Variants in PDE7A observed in about 807,000 individuals in gnomAD.
PDE7A encodes phosphodiesterase 7A.
PDE7A carries 39 observed loss-of-function variants against 64.3 expected under a neutral mutation model. The observed-to-expected ratio is 0.61, with a 90% CI of 0.47 to 0.79. The LOEUF is 0.79. Ranked by LOEUF, PDE7A falls within the 30% of genes least tolerant of loss-of-function variation. The pLI, the probability that PDE7A is intolerant of heterozygous loss-of-function variation, is 0.00. For synonymous variants in PDE7A, 203 were observed against 206.8 expected (o/e 0.98, Z 0.16); for missense variants, 470 against 582.8 (o/e 0.81, Z 1.99).
At chr8:65,830,068 C>A (rs1347935073) in intron 1 of PDE7A, among the ~76,000 whole-genome samples, 1 of 152,114 alleles carries the variant, frequency 6.6e-6, no homozygotes, top group African/African-American at 2.4e-5. Context: ...TTTCCCTTTA[C>A]CTCATTCCCC....
intron 1 of PDE7A, among the ~76,000 whole-genome samples, chr8:65,787,779 CA>C (rs1306414558): frequency 7.2e-4 from 101 of 141,162 alleles, no homozygotes; most frequent in Middle Eastern, 3.5e-3. Flanking sequence ...CTCATCTCTA[CA>C]GGGGGGGGAA....
intron 1 of PDE7A, among the ~76,000 whole-genome samples, chr8:65,794,647 G>A (rs904897834): frequency 4.6e-5 from 7 of 152,068 alleles, no homozygotes; most frequent in African/African-American, 1.7e-4. Flanking sequence ...GTATACTTGA[G>A]GCACTTTGAA....
At chr8:65,788,811 A>AGCTATTTAAT (rs1809627009) in intron 1 of PDE7A, 1 of 996,544 alleles carries the variant, frequency 1.0e-6, no homozygotes, top group Admixed American at 1.9e-5. Flanking sequence ...GAGAAAATCG[A>AGCTATTTAAT]GCTATTTAAT....
At position 65,719,002 on chromosome 8, in the gene PDE7A, G is replaced by A; in HGVS notation, c.*288C>T. On this transcript the variant is annotated 3_prime_UTR_variant, in exon 13 of 13. Transcript: ENST00000401827. ...GATTAGATGCTTTGAAAAAGTCGTG[G>A]CACATATCAAAACTTCCTTTGTTAC... 2.3e-6 allele frequency: 1 copy of A among 436,078 alleles called. No homozygotes were observed. The highest frequency in any genetic ancestry group is 4.2e-6 in the Non-Finnish European group (1 of 238,426). 27.0% of individuals were successfully genotyped at this position (436,078 alleles called of 1,614,324 possible).
At chr8:65,782,124 G>T (rs1424135356) in intron 2 of PDE7A, among the ~76,000 whole-genome samples, 4 of 152,142 alleles carry the variant, frequency 2.6e-5, no homozygotes, top group South Asian at 2.1e-4. Context: ...AGCTGAGGAG[G>T]AGTCGTGGGA....
At chr8:65,829,038 CATT>C (rs1413559639) in intron 1 of PDE7A, among the ~76,000 whole-genome samples, 1 of 151,982 alleles carries the variant, frequency 6.6e-6, no homozygotes, top group African/African-American at 2.4e-5. Flanking sequence ...AGAATAACTT[CATT>C]GTTTTTCTTA....
At chr8:65,839,884 T>C (rs1280453603) in intron 1 of PDE7A, among the ~76,000 whole-genome samples, 1 of 152,194 alleles carries the variant, frequency 6.6e-6, no homozygotes, top group African/African-American at 2.4e-5. Flanking sequence ...AAGAACTTTA[T>C]TCATGTTTTA....
At position 65,815,462 on chromosome 8, in the gene PDE7A, C is replaced by G. The variant is rs1299993886; in HGVS notation, c.138+25909G>C. On this transcript the variant is annotated intron_variant, in intron 1 of 12. Coordinates refer to ENST00000401827, the MANE Select transcript of PDE7A (RefSeq NM_001242318.3). ...TGAAACAAAATTTGAGATTTAAGAA[C>G]TAGGCAAAAGATAAGCAAAACTAAC... Among the ~76,000 whole-genome samples the G allele has an allele frequency of 2.6e-5, 4 of 152,124 alleles. No individual in the cohort carries two copies. In the East Asian group the frequency reaches 7.7e-4, roughly 29 times the overall value.
At chr8:65,773,314 T>C (rs1387185665) in intron 3 of PDE7A, among the ~76,000 whole-genome samples, 1 of 152,222 alleles carries the variant, frequency 6.6e-6, no homozygotes, top group East Asian at 1.9e-4. Flanking sequence ...CATGGTGGCT[T>C]AAAGAGACAT....
intron 1 of PDE7A, among the ~76,000 whole-genome samples, chr8:65,817,491 C>T (rs1461335782): frequency 2.0e-5 from 3 of 152,142 alleles, no homozygotes. Flanking sequence ...ATTTTCCTGC[C>T]CATGATTCAA....
At chr8:65,747,568 C>CTA (rs1227458634) in intron 4 of PDE7A, 84 bp downstream of exon 4, 2 of 803,970 alleles carry the variant, frequency 2.5e-6, no homozygotes, top group African/African-American at 3.6e-5. Context: ...GAAAAAGACT[C>CTA]TATAAATCAT....
At chr8:65,820,910 C>CAATA (rs1810526632) in intron 1 of PDE7A, among the ~76,000 whole-genome samples, 1 of 152,130 alleles carries the variant, frequency 6.6e-6, no homozygotes, top group Non-Finnish European at 1.5e-5. Flanking sequence ...ATTTAAACAA[C>CAATA]TGAGGATATA....
intron 1 of PDE7A, 129 bp from the exon 2 acceptor site, chr8:65,782,972 A>T (rs1809458064): frequency 1.6e-6 from 1 of 608,652 alleles, no homozygotes; most frequent in Non-Finnish European, 2.9e-6. Flanking sequence ...CACAAAATGA[A>T]ATTAGCTATG....
At chr8:65,749,848 A>C (rs372598489) in intron 3 of PDE7A, among the ~76,000 whole-genome samples, 86 of 152,384 alleles carry the variant, frequency 5.6e-4, no homozygotes, top group African/African-American at 1.8e-3. Flanking sequence ...TTTACTGTCC[A>C]TTACAAAATT....
At chr8:65,750,900 T>C (rs1455983646) in intron 3 of PDE7A, among the ~76,000 whole-genome samples, 1 of 152,196 alleles carries the variant, frequency 6.6e-6, no homozygotes, top group Non-Finnish European at 1.5e-5. Context: ...AAATGAGTAT[T>C]AGATATTGAC....
At chr8:65,834,682 C>T (rs1446010866) in intron 1 of PDE7A, among the ~76,000 whole-genome samples, 1 of 152,170 alleles carries the variant, frequency 6.6e-6, no homozygotes, top group Non-Finnish European at 1.5e-5. Flanking sequence ...CCTGACTTGC[C>T]TTGGTCTTCT....
intron 8 of PDE7A, 71 bp from the exon 9 acceptor site, chr8:65,727,037 T>C (rs1286165895): frequency 1.0e-6 from 1 of 990,186 alleles, no homozygotes; most frequent in African/African-American, 1.6e-5. Context: ...CTAACAATAC[T>C]GTTAGCAATA....
At chr8:65,811,919 A>T (rs974326701) in intron 1 of PDE7A, among the ~76,000 whole-genome samples, 2 of 152,212 alleles carry the variant, frequency 1.3e-5, no homozygotes, top group African/African-American at 4.8e-5. Context: ...AAGAATAGAA[A>T]GTCCAGGCCA....
At chr8:65,740,932 G>A (rs1222896891) in intron 5 of PDE7A, among the ~76,000 whole-genome samples, 1 of 152,092 alleles carries the variant, frequency 6.6e-6, no homozygotes, top group Non-Finnish European at 1.5e-5. Flanking sequence ...CCCCTACAGA[G>A]CCGAGTTTTT....
Sources: allele counts gnomAD v4.1 joint callset (sites outside exome capture counted in the v4.1 genomes callset), GRCh38; gene constraint gnomAD v4.1.1; transcripts MANE v1.5; gene names NCBI Gene and HGNC (gene_info 2026-07-23, HGNC 2026-07-21).